Variants in JHY observed in about 807,000 individuals in gnomAD.
The protein encoded by JHY is junctional cadherin complex regulator.
A neutral mutation model predicts 78.0 loss-of-function variants in JHY; 69 were observed. That is an observed-to-expected ratio of 0.88 (90% CI 0.73 to 1.08). The LOEUF (loss-of-function observed/expected upper bound fraction) is 1.08. JHY is among the 50% of genes least tolerant of loss of function. JHY has a pLI of 0.00. For synonymous variants in JHY, 368 were observed against 342.6 expected (o/e 1.07, Z -0.82); for missense variants, 944 against 927.8 (o/e 1.02, Z -0.23).
chr11:122,956,849 T>G (rs1864203092), intron 7 of JHY, among the ~76,000 whole-genome samples: 1 of 152,146 alleles, frequency 6.6e-6, no homozygotes, highest in Non-Finnish European at 1.5e-5. Flanking sequence ...AAAAGAAATG[T>G]GTATGTTATG....
chr11:122,892,806 G>A (rs1862653673), intron 2 of JHY, among the ~76,000 whole-genome samples: 1 of 152,160 alleles, frequency 6.6e-6, no homozygotes, highest in African/African-American at 2.4e-5. Flanking sequence ...CAAAACTCAG[G>A]ATTTTCATTT....
At chr11:122,902,587 T>C (rs1367829295) in intron 2 of JHY, among the ~76,000 whole-genome samples, 1 of 152,210 alleles carries the variant, frequency 6.6e-6, no homozygotes, top group Non-Finnish European at 1.5e-5. Flanking sequence ...TTCCACAGGC[T>C]CTACAGGAAG....
chr11:122,934,695 T>G lies in JHY; in HGVS notation c.1254T>G (p.His418Gln). The change falls in exon 5 of 9, where the codon CAT becomes CAG. Residue 418 changes from histidine to glutamine, a missense_variant. By Grantham distance (24) the His-to-Gln change is conservative. Transcript: ENST00000227349. ...AGCCTGAATCGATTGTGATTATGCA[T>G]GCCTCTAACAATGATGTACAAGCCT... ...STKPESIVIM[H>Q]ASNNDVQASR... is the part of the protein sequence containing the mutation. 1 of 1,614,196 alleles carries G rather than the reference T, an allele frequency of 6.2e-7. No homozygotes were observed. Among genetic ancestry groups the G allele is most frequent in the East Asian group, 2.2e-5 (1 of 44,874 alleles).
At chr11:122,891,835 G>A (rs554850264) in intron 2 of JHY, among the ~76,000 whole-genome samples, 36 of 152,034 alleles carry the variant, frequency 2.4e-4, no homozygotes, top group African/African-American at 8.2e-4. Context: ...CTCTCCAAAC[G>A]CTAAAGCCTG....
At chr11:122,890,096 A>G (rs761275683) in intron 2 of JHY, among the ~76,000 whole-genome samples, 7 of 151,538 alleles carry the variant, frequency 4.6e-5, no homozygotes, top group African/African-American at 1.7e-4. Flanking sequence ...GAAATTATAT[A>G]TATATATAAA....
At chr11:122,956,011 C>T (rs562056675) in intron 6 of JHY, among the ~76,000 whole-genome samples, 1 of 151,928 alleles carries the variant, frequency 6.6e-6, no homozygotes, top group Admixed American at 6.6e-5. Flanking sequence ...GTGTTAAAAA[C>T]GTTAATAGCA....
In JHY at chr11:122,959,759, A is replaced by G. The variant is rs1864273309; in HGVS notation, c.*314A>G. The G allele has an allele frequency of 2.3e-5, 5 of 214,990 alleles. No homozygotes were observed. In the South Asian group the frequency reaches 5.3e-4, roughly 23 times the overall value. 13.3% of individuals were successfully genotyped at this position (214,990 alleles called of 1,614,324 possible). A position where few individuals can be genotyped will look rare whatever the true frequency, so the allele number is the denominator to read the frequency against. ...CTTCATCTCTACCCCATTCCTTAGC[A>G]TAATGGAAACCTTAAAGTTACCCAG... On this transcript the variant is annotated 3_prime_UTR_variant, in exon 9 of 9. Coordinates refer to ENST00000227349, the MANE Select transcript of JHY (RefSeq NM_024806.4).
intron 3 of JHY, chr11:122,905,307 A>G: frequency 6.2e-7 from 1 of 1,603,794 alleles, no homozygotes; most frequent in South Asian, 1.1e-5. Flanking sequence ...GATACAGGAC[A>G]AGAGTGGGGT....
chr11:122,959,053 ATAT>A, intron 8 of JHY, 192 bp from the exon 9 acceptor site: 1 of 971,366 alleles, frequency 1.0e-6, no homozygotes, highest in Non-Finnish European at 1.2e-6. Flanking sequence ...TTTCCACAAT[ATAT>A]TGTTTTGTGG....
At chr11:122,956,233 TCAGA>T (rs1158120476) in intron 6 of JHY, among the ~76,000 whole-genome samples, 1 of 152,190 alleles carries the variant, frequency 6.6e-6, no homozygotes, top group African/African-American at 2.4e-5. Context: ...ATTTGTAATT[TCAGA>T]ATTTTAAGTT....
chr11:122,923,172 A>T (rs1343784), intron 3 of JHY, among the ~76,000 whole-genome samples: 1 of 152,090 alleles, frequency 6.6e-6, no homozygotes, highest in Non-Finnish European at 1.5e-5. Flanking sequence ...CTGAAGAAGG[A>T]GTTAGTCTGT....
Position 122,919,376 on chromosome 11 carries a change from A to AAAAAG in JHY, c.865-5521_865-5520insAAAAG, listed in dbSNP as rs60848354. On this transcript the variant is annotated intron_variant, in intron 3 of 8. Coordinates refer to ENST00000227349, the MANE Select transcript of JHY (RefSeq NM_024806.4). Reference sequence around the variant, plus strand: ...TCAAAAAAAAAAAAAAAAAAAAAAAAGAAGTGAAGGGGCAAAGAAATTCCC... The same window carrying AAAAAG: ...TCAAAAAAAAAAAAAAAAAAAAAAAAAAAAGGAAGTGAAGGGGCAAAGAAATTCCC... Among the ~76,000 whole-genome samples the AAAAAG allele has an allele frequency of 1.3e-3, 176 of 136,890 alleles. 4 individuals are homozygous for AAAAAG. The highest frequency in any genetic ancestry group is 4.1e-3 in the African/African-American group (145 of 35,508). The allele number at this position is 136,890 out of a possible 152,430, so 89.8% of individuals were successfully genotyped here.
At chr11:122,919,375 AAG>A (rs1863307468) in intron 3 of JHY, among the ~76,000 whole-genome samples, 1 of 144,864 alleles carries the variant, frequency 6.9e-6, no homozygotes, top group Admixed American at 6.8e-5. Flanking sequence ...AAAAAAAAAA[AAG>A]AAGTGAAGGG....
intron 4 of JHY, among the ~76,000 whole-genome samples, chr11:122,927,557 T>A (rs1473158634): frequency 6.6e-6 from 1 of 152,030 alleles, no homozygotes; most frequent in East Asian, 1.9e-4. Context: ...ATGCCTTCTT[T>A]TTAGTGCCTC....
At chr11:122,899,396 A>G (rs1158546264) in intron 2 of JHY, among the ~76,000 whole-genome samples, 1 of 152,248 alleles carries the variant, frequency 6.6e-6, no homozygotes, top group East Asian at 1.9e-4. Flanking sequence ...ACCACAGTTG[A>G]AACTTATGTT....
rs1386107510 is a variant in JHY at position 122,886,091 on chromosome 11, G to A, written c.242G>A (p.Arg81Gln). Residue 81 changes from arginine (R) to glutamine (Q), a missense_variant, in exon 2 of 9, where the codon CGA becomes CAA. Coordinates refer to ENST00000227349, the MANE Select transcript of JHY (RefSeq NM_024806.4). ...AGCTTAGACGAGGAGGAAAGCCCTC[G>A]ATGGGGAAGCCTGCACGAGATGGAA... is the stretch of plus-strand genomic sequence containing the variant. ...PDSLDEEESPRWGSLHEMEEE... is the reference protein window; with the variant it reads ...PDSLDEEESPQWGSLHEMEEE... The A allele has an allele frequency of 1.1e-5, 17 of 1,614,042 alleles. No homozygotes were observed. The highest frequency in any genetic ancestry group is 1.4e-5 in the Non-Finnish European group (17 of 1,180,056).
intron 3 of JHY, among the ~76,000 whole-genome samples, chr11:122,909,253 T>C (rs1313256395): frequency 3.3e-5 from 5 of 152,170 alleles, no homozygotes; most frequent in Admixed American, 3.3e-4. Context: ...GTCAAGCTGG[T>C]GAGAGAATAA....
intron 3 of JHY, among the ~76,000 whole-genome samples, chr11:122,922,956 T>A (rs1416441085): frequency 1.3e-5 from 2 of 152,108 alleles, no homozygotes; most frequent in Non-Finnish European, 2.9e-5. Flanking sequence ...ACAAAACGCA[T>A]GTAAAGTCCT....
rs778781042 is a variant in JHY at position 122,946,584 on chromosome 11, C to T, written c.1721C>T (p.Ala574Val). The change falls in exon 6 of 9, where the codon GCC becomes GTC. Residue 574 changes from alanine (A) to valine (V), a missense_variant. Ala to Val is a moderately conservative substitution (Grantham distance 64). Transcript: ENST00000227349. ...LTQIMEQHQQALVQLTDVQPS... is the reference protein window; with the variant it reads ...LTQIMEQHQQVLVQLTDVQPS... ...CAGATAATGGAGCAGCATCAGCAAG[C>T]CTTGGTGCAGCTGACCGACGTGCAG... The T allele has an allele frequency of 1.9e-6, 3 of 1,613,872 alleles. No individual in the cohort carries two copies. The highest frequency in any genetic ancestry group is 2.5e-6 in the Non-Finnish European group (3 of 1,179,994).
Sources: allele counts gnomAD v4.1 joint callset (sites outside exome capture counted in the v4.1 genomes callset), GRCh38; gene constraint gnomAD v4.1.1; transcripts MANE v1.5; gene names NCBI Gene and HGNC (gene_info 2026-07-23, HGNC 2026-07-21).